Variants in VOPP1 observed in about 807,000 individuals in gnomAD.
VOPP1 encodes WW domain binding protein VOPP1.
A neutral mutation model predicts 23.5 loss-of-function variants in VOPP1; 8 were observed. The ratio of observed to expected loss-of-function variants is 0.34; its 90% confidence interval spans 0.20 to 0.61. The LOEUF (loss-of-function observed/expected upper bound fraction) is 0.61, where lower values mean the gene tolerates loss of function less well. Among genes scored for constraint, VOPP1 ranks in the 20% least tolerant of loss-of-function variants. The pLI is 0.78. For synonymous variants in VOPP1, 83 were observed against 97.3 expected (o/e 0.85, Z 0.86); for missense variants, 174 against 238.1 (o/e 0.73, Z 1.77).
chr7:55,451,462 G>A (rs913425557), intron 4 of VOPP1, among the ~76,000 whole-genome samples: 1 of 152,182 alleles, frequency 6.6e-6, no homozygotes, highest in Admixed American at 6.5e-5. Flanking sequence ...ACAGCATTAT[G>A]TCTAAAAGCC....
At chr7:55,553,209 G>A (rs1797682300) in intron 1 of VOPP1, among the ~76,000 whole-genome samples, 1 of 152,222 alleles carries the variant, frequency 6.6e-6, no homozygotes, top group African/African-American at 2.4e-5. Context: ...TGTTGGAAAG[G>A]AGCTGCAGTT....
chr7:55,496,260 A>G (rs1041017071), intron 3 of VOPP1, among the ~76,000 whole-genome samples: 2 of 151,924 alleles, frequency 1.3e-5, no homozygotes, highest in Admixed American at 6.6e-5. Flanking sequence ...AGGGTTTCAC[A>G]CTCCAGACGG....
At chr7:55,496,922 G>C (rs1583919085) in intron 3 of VOPP1, among the ~76,000 whole-genome samples, 1 of 152,244 alleles carries the variant, frequency 6.6e-6, no homozygotes, top group African/African-American at 2.4e-5. Flanking sequence ...AAGAAATGCT[G>C]CTTTGGTTTA....
intron 1 of VOPP1, chr7:55,561,986 C>A: frequency 1.4e-6 from 1 of 703,532 alleles, no homozygotes; most frequent in East Asian, 2.7e-5. Flanking sequence ...CCACAGTAGT[C>A]GGTTCAGTCT....
At chr7:55,544,708 T>C (rs1797291038) in intron 1 of VOPP1, among the ~76,000 whole-genome samples, 1 of 151,924 alleles carries the variant, frequency 6.6e-6, no homozygotes, top group Non-Finnish European at 1.5e-5. Context: ...TTCCGCAGAG[T>C]TGGTGGAGAG....
At chr7:55,446,259 C>G (rs1017127677) in intron 4 of VOPP1, among the ~76,000 whole-genome samples, 2 of 152,162 alleles carry the variant, frequency 1.3e-5, no homozygotes, top group Non-Finnish European at 2.9e-5. Context: ...TCCCAAAGTG[C>G]TGGGATTACA....
At position 55,473,137 on chromosome 7, in the gene VOPP1, C is replaced by T. The variant is rs114483534; in HGVS notation, c.329-92G>A. On this transcript the variant is annotated intron_variant, in intron 4 of 4. Transcript: ENST00000285279. Reference sequence around the variant, plus strand: ...GCTGCAGGGCCAGCAGACCACGCCCCGTCATTCACTCAGCGACAGTGTATG... The same window carrying T: ...GCTGCAGGGCCAGCAGACCACGCCCTGTCATTCACTCAGCGACAGTGTATG... 3,241 of 1,509,314 alleles carry T rather than the reference C, an allele frequency of 2.1e-3. 77 individuals are homozygous for T. In the African/African-American group the frequency reaches 0.043, roughly 20 times the overall value. The allele number at this position is 1,509,314 out of a possible 1,614,324, so 93.5% of individuals were successfully genotyped here.
chr7:55,488,608 G>A (rs1336169368), intron 4 of VOPP1, among the ~76,000 whole-genome samples: 2 of 151,962 alleles, frequency 1.3e-5, no homozygotes, highest in Admixed American at 6.5e-5. Flanking sequence ...GCTTTCCCAT[G>A]CTCATCAGTG....
At chr7:55,492,494 T>A in intron 3 of VOPP1, 76 bp from the exon 4 acceptor site, 4 of 1,489,838 alleles carry the variant, frequency 2.7e-6, no homozygotes, top group Non-Finnish European at 3.6e-6. Flanking sequence ...CTCAAAGGCC[T>A]CATGCACTCC....
chr7:55,469,005 T>G (rs150867955), downstream of VOPP1, among the ~76,000 whole-genome samples: 472 of 152,314 alleles, frequency 3.1e-3, 5 homozygotes, highest in African/African-American at 0.011. Flanking sequence ...TACACTAGTT[T>G]TTTCTTTTAA....
At chr7:55,468,295 A>AAAAG (rs772746397), downstream of VOPP1, among the ~76,000 whole-genome samples, 2 of 151,816 alleles carry the variant, frequency 1.3e-5, no homozygotes, top group African/African-American at 2.4e-5. Context: ...AAAAGAAAAA[A>AAAAG]AAAGAAAGAA....
At chr7:55,494,985 C>CT (rs199660199) in intron 3 of VOPP1, among the ~76,000 whole-genome samples, 2,792 of 151,868 alleles carry the variant, frequency 0.018, 82 homozygotes, top group African/African-American at 0.062. Context: ...AGGTTTGTGC[C>CT]TTTTTTTTAA....
intron 4 of VOPP1, among the ~76,000 whole-genome samples, chr7:55,476,110 C>CT (rs1792228126): frequency 6.6e-6 from 1 of 152,184 alleles, no homozygotes; most frequent in Non-Finnish European, 1.5e-5. Context: ...GGAGCGCCGT[C>CT]TAAGAATTAA....
At chr7:55,527,136 T>G (rs1796237757) in intron 1 of VOPP1, 1 of 152,160 alleles carries the variant, frequency 6.6e-6, no homozygotes, top group African/African-American at 2.4e-5. Context: ...TGACAAGCAA[T>G]TATCTCAAGG....
At chr7:55,525,789 TAAAAAAAAAAAAAAA>T (rs141901865) in intron 1 of VOPP1, among the ~76,000 whole-genome samples, 2 of 77,976 alleles carry the variant, frequency 2.6e-5, no homozygotes, top group East Asian at 6.3e-4. Flanking sequence ...AAAACCTCTC[TAAAAAAAAAAAAAAA>T]AAAAAAAAAA....
chr7:55,494,518 C>T (rs1173064541), intron 3 of VOPP1, among the ~76,000 whole-genome samples: 1 of 152,180 alleles, frequency 6.6e-6, no homozygotes, highest in Non-Finnish European at 1.5e-5. Flanking sequence ...GCAGCTCCCA[C>T]CTTAGACTAA....
intron 1 of VOPP1, among the ~76,000 whole-genome samples, chr7:55,559,106 C>G (rs1797901742): frequency 6.6e-6 from 1 of 152,110 alleles, no homozygotes; most frequent in African/African-American, 2.4e-5. Flanking sequence ...CCCTCATCAT[C>G]AGAGGGAGCC....
intron 1 of VOPP1, among the ~76,000 whole-genome samples, chr7:55,570,793 T>G (rs1437113283): frequency 6.6e-6 from 1 of 151,824 alleles, no homozygotes; most frequent in Non-Finnish European, 1.5e-5. Flanking sequence ...AATGCAAAAA[T>G]TAGCCGGGCA....
At chr7:55,475,719 A>G (rs774208789) in intron 4 of VOPP1, among the ~76,000 whole-genome samples, 2 of 152,248 alleles carry the variant, frequency 1.3e-5, no homozygotes, top group Non-Finnish European at 2.9e-5. Context: ...CACACAAAAC[A>G]TTCTAGGAAG....
Sources: allele counts gnomAD v4.1 joint callset (sites outside exome capture counted in the v4.1 genomes callset), GRCh38; gene constraint gnomAD v4.1.1; transcripts MANE v1.5; gene names NCBI Gene and HGNC (gene_info 2026-07-23, HGNC 2026-07-21).